The following RBFOX1 variants were observed in gnomAD, a reference collection of about 807,000 sequenced individuals.
RBFOX1 encodes RNA binding protein fox-1 homolog 1.
RBFOX1 carries 8 observed loss-of-function variants against 57.7 expected under a neutral mutation model. That is an observed-to-expected ratio of 0.14 (90% CI 0.08 to 0.25). RBFOX1 has a LOEUF of 0.25. RBFOX1 is among the 10% of genes least tolerant of loss of function. The pLI is 1.00. For missense variants in RBFOX1, 611 were observed against 548.5 expected (o/e 1.11, Z -1.14); for synonymous variants, 326 against 222.4 (o/e 1.47, Z -4.15).
At chr16:5,800,073 A>G (rs1175393701) in intron 3 of RBFOX1, among the ~76,000 whole-genome samples, 2 of 152,056 alleles carry the variant, frequency 1.3e-5, no homozygotes, top group Non-Finnish European at 2.9e-5. Flanking sequence ...ATATACATAT[A>G]CATGTCCTAC....
chr16:5,554,731 A>T (rs1233130317), intron 2 of RBFOX1, among the ~76,000 whole-genome samples: 1 of 152,218 alleles, frequency 6.6e-6, no homozygotes. Flanking sequence ...CGTCTCAGGG[A>T]TTATGAATTG....
At chr16:7,490,079 C>A (rs1052941750) in intron 4 of RBFOX1, among the ~76,000 whole-genome samples, 1 of 152,166 alleles carries the variant, frequency 6.6e-6, no homozygotes, top group Non-Finnish European at 1.5e-5. Flanking sequence ...TGTGTCCCAG[C>A]TACATTTAGT....
intron 14 of RBFOX1, among the ~76,000 whole-genome samples, chr16:7,706,347 G>A (rs935871820): frequency 6.6e-6 from 1 of 152,214 alleles, no homozygotes; most frequent in African/African-American, 2.4e-5. Flanking sequence ...TTTCTGAGGA[G>A]TAGTTCAATG....
intron 1 of RBFOX1, among the ~76,000 whole-genome samples, chr16:6,044,427 C>G (rs1485640341): frequency 1.3e-5 from 2 of 151,834 alleles, no homozygotes; most frequent in Non-Finnish European, 2.9e-5. Context: ...GAACACTGCC[C>G]CTTCCATATT....
chr16:6,767,914 C>CAATAATAATAATAATAAT (rs71408408), intron 3 of RBFOX1, among the ~76,000 whole-genome samples: 12 of 118,056 alleles, frequency 1.0e-4, no homozygotes, highest in East Asian at 4.7e-4. Context: ...GACTCTATCT[C>CAATAATAATAATAATAAT]AATAATAATA....
intron 2 of RBFOX1, among the ~76,000 whole-genome samples, chr16:6,497,123 A>G (rs2095793478): frequency 6.6e-6 from 1 of 152,190 alleles, no homozygotes; most frequent in South Asian, 2.1e-4. Context: ...TAGAGAAGGT[A>G]ATTAACCAAA....
At chr16:7,193,946 C>A (rs1482782688) in intron 4 of RBFOX1, among the ~76,000 whole-genome samples, 1 of 150,656 alleles carries the variant, frequency 6.6e-6, no homozygotes, top group African/African-American at 2.5e-5. Context: ...GCATCTATCT[C>A]TAGCTATCTT....
intron 2 of RBFOX1, among the ~76,000 whole-genome samples, chr16:6,555,792 G>C (rs1031754329): frequency 1.2e-4 from 18 of 152,116 alleles, no homozygotes; most frequent in Non-Finnish European, 2.2e-4. Context: ...GTGTGTAGTT[G>C]CATTGACATT....
At position 7,413,696 on chromosome 16, in the gene RBFOX1, A is replaced by G. The variant is rs573579121; in HGVS notation, c.28-104451A>G. ...AAAAGTATTCCTCAGCGGGTGTGGC[A>G]TTCAGAAATGGATAGGATTCAAACA... On this transcript the variant is annotated intron_variant, in intron 4 of 15. Coordinates refer to ENST00000550418, the MANE Select transcript of RBFOX1 (RefSeq NM_018723.4). Among the ~76,000 whole-genome samples, 3 of 152,144 alleles carry G rather than the reference A, an allele frequency of 2.0e-5. No homozygotes were observed. The South Asian group carries it at 6.2e-4, about 32-fold the overall frequency.
chr16:7,337,404 C>T (rs868670396), intron 4 of RBFOX1, among the ~76,000 whole-genome samples: 9 of 152,092 alleles, frequency 5.9e-5, no homozygotes, highest in African/African-American at 9.7e-5. Context: ...AATAATAATA[C>T]GACTTGTTTA....
At chr16:6,303,365 A>G (rs2079056860) in intron 1 of RBFOX1, among the ~76,000 whole-genome samples, 1 of 151,994 alleles carries the variant, frequency 6.6e-6, no homozygotes, top group Admixed American at 6.6e-5. Flanking sequence ...CGAGGCCTAC[A>G]GAGTGGAGGA....
Position 7,595,586 on chromosome 16 carries a change from C to A in RBFOX1, c.506C>A (p.Ala169Glu). 1 of 1,559,984 alleles carries A rather than the reference C, an allele frequency of 6.4e-7. No individual in the cohort carries two copies. The highest frequency in any genetic ancestry group is 8.7e-7 in the Non-Finnish European group (1 of 1,149,536). The stretch of plus-strand genomic sequence containing the variant: ...GTAACTTTCGAAAATAGTGCCGATG[C>A]GGACAGGGCGAGGGAGAAATTACAC... ...GFVTFENSAD[A>E]DRAREKLHGT... The change falls in exon 8 of 16, where the codon GCG (alanine) becomes GAG (glutamate). Residue 169 changes from alanine to glutamate, a missense_variant. Around this residue, in one of 3 missense-constraint regions of RBFOX1, gnomAD observed 99 missense variants for 160.3 expected, o/e 0.62. Coordinates refer to ENST00000550418, the MANE Select transcript of RBFOX1 (RefSeq NM_018723.4).
chr16:6,800,814 CTG>C (rs2085256285), intron 3 of RBFOX1, among the ~76,000 whole-genome samples: 1 of 152,022 alleles, frequency 6.6e-6, no homozygotes, highest in African/African-American at 2.4e-5. Context: ...ATGTGAGTGA[CTG>C]TATAAATAGC....
intron 1 of RBFOX1, among the ~76,000 whole-genome samples, chr16:6,205,037 T>C (rs1411951862): frequency 6.6e-6 from 1 of 152,132 alleles, no homozygotes; most frequent in Non-Finnish European, 1.5e-5. Flanking sequence ...TGAGACAGAA[T>C]GATGTTAATA....
intron 3 of RBFOX1, among the ~76,000 whole-genome samples, chr16:5,634,503 T>C (rs1308196350): frequency 1.3e-5 from 2 of 152,308 alleles, no homozygotes; most frequent in East Asian, 3.9e-4. Context: ...ATGCTAAACA[T>C]ATTTTTTTTT....
chr16:7,173,025 G>C, intron 4 of RBFOX1, among the ~76,000 whole-genome samples: 1 of 152,198 alleles, frequency 6.6e-6, no homozygotes. Context: ...ATTTTCCCTA[G>C]AATTTCCTGG....
intron 4 of RBFOX1, among the ~76,000 whole-genome samples, chr16:7,165,961 C>CACACACAT: frequency 8.7e-6 from 1 of 115,392 alleles, no homozygotes; most frequent in African/African-American, 3.3e-5. Context: ...CACACACACA[C>CACACACAT]ACACATACAT....
intron 10 of RBFOX1, among the ~76,000 whole-genome samples, chr16:7,615,883 T>C (rs1207981210): frequency 6.6e-6 from 1 of 152,206 alleles, no homozygotes; most frequent in Non-Finnish European, 1.5e-5. Context: ...TCTGTCCTCA[T>C]TGACGCTATT....
chr16:6,687,604 A>C (rs778399880), intron 3 of RBFOX1, among the ~76,000 whole-genome samples: 3 of 152,200 alleles, frequency 2.0e-5, no homozygotes, highest in Admixed American at 6.5e-5. Flanking sequence ...CTTCAGGTCT[A>C]ATAGTTCTAT....
Sources: allele counts gnomAD v4.1 joint callset (sites outside exome capture counted in the v4.1 genomes callset), GRCh38; gene constraint gnomAD v4.1.1; regional missense constraint gnomAD v4.1.1; transcripts MANE v1.5; gene names NCBI Gene and HGNC (gene_info 2026-07-23, HGNC 2026-07-21).